ZBTB10: variants seen among roughly 807,000 people sequenced by gnomAD.
ZBTB10 encodes zinc finger and BTB domain-containing protein 10.
In ZBTB10, 32 loss-of-function variants were observed where a neutral mutation model predicts 76.4. The observed-to-expected ratio is 0.42, with a 90% CI of 0.32 to 0.56. The LOEUF is 0.56. ZBTB10 is among the 20% of genes least tolerant of loss of function. ZBTB10 has a pLI of 0.14. For synonymous variants in ZBTB10, 523 were observed against 432.9 expected (o/e 1.21, Z -2.58); for missense variants, 1,057 against 1,098.5 (o/e 0.96, Z 0.53).
At chr8:80,505,983 C>G (rs973043671) in intron 2 of ZBTB10, among the ~76,000 whole-genome samples, 9 of 149,046 alleles carry the variant, frequency 6.0e-5, no homozygotes, top group Middle Eastern at 6.9e-3. Context: ...AGACTGGTCT[C>G]AGGCTCAAGG....
chr8:80,505,994 G>A (rs1816042596), intron 2 of ZBTB10, among the ~76,000 whole-genome samples: 1 of 150,238 alleles, frequency 6.7e-6, no homozygotes, highest in African/African-American at 2.5e-5. Flanking sequence ...AGGCTCAAGG[G>A]ATCCTCCAGC....
Position 80,519,588 on chromosome 8 carries a change from G to A in ZBTB10, c.*60G>A. ...GGACCTAATATGAATCGACAATTTGGATTGTTGAACTTGAAGGCTTGCAAA... is the reference window on the plus strand; with the variant it reads ...GGACCTAATATGAATCGACAATTTGAATTGTTGAACTTGAAGGCTTGCAAA... On this transcript the variant is annotated 3_prime_UTR_variant, in exon 6 of 6. Coordinates refer to ENST00000455036, the MANE Select transcript of ZBTB10 (RefSeq NM_001105539.3). 1 of 1,486,412 alleles carries A rather than the reference G, an allele frequency of 6.7e-7. No individual in the cohort carries two copies. Among genetic ancestry groups the A allele is most frequent in the Non-Finnish European group, 9.0e-7 (1 of 1,106,074 alleles). The allele number at this position is 1,486,412 out of a possible 1,614,324, so 92.1% of individuals were successfully genotyped here. A position where few individuals can be genotyped will look rare whatever the true frequency, so the allele number is the denominator to read the frequency against.
chr8:80,486,801 G>A lies in ZBTB10; in HGVS notation c.-10G>A. On this transcript the variant is annotated 5_prime_UTR_variant, in exon 1 of 6. Coordinates refer to ENST00000455036, the MANE Select transcript of ZBTB10 (RefSeq NM_001105539.3). ...CGGGGCACCGGGCGGCGGCGGCGGCGGCGCGCGCCATGTCGTTCAGTGAAA... is the reference window on the plus strand; with the variant it reads ...CGGGGCACCGGGCGGCGGCGGCGGCAGCGCGCGCCATGTCGTTCAGTGAAA... 7.1e-7 allele frequency: 1 copy of A among 1,413,124 alleles called. No homozygotes were observed. Among genetic ancestry groups the A allele is most frequent in the Non-Finnish European group, 9.2e-7 (1 of 1,088,254 alleles). The allele number at this position is 1,413,124 out of a possible 1,614,324, so 87.5% of individuals were successfully genotyped here.
At chr8:80,497,010 G>C (rs542324689) in intron 1 of ZBTB10, among the ~76,000 whole-genome samples, 12 of 152,188 alleles carry the variant, frequency 7.9e-5, no homozygotes, top group Non-Finnish European at 1.6e-4. Flanking sequence ...CCCCTTATTT[G>C]TAATTTCTAT....
At chr8:80,485,785 T>G (rs576024874), upstream of ZBTB10, 1 of 1,534,654 alleles carries the variant, frequency 6.5e-7, no homozygotes, top group African/African-American at 1.4e-5. Context: ...CCTCAGCAAA[T>G]GACAAGGCTG....
intron 1 of ZBTB10, among the ~76,000 whole-genome samples, chr8:80,492,504 G>C (rs904419090): frequency 1.6e-4 from 24 of 151,636 alleles, no homozygotes; most frequent in Non-Finnish European, 2.7e-4. Flanking sequence ...TTTTGAGATG[G>C]GGTCTCACTT....
rs578198261 is a variant in ZBTB10, at chr8:80,512,596, C to A, written c.1862-1314C>A. Among the ~76,000 whole-genome samples, 9 of 152,230 alleles carry A rather than the reference C, an allele frequency of 5.9e-5. No individual in the cohort carries two copies. The South Asian group carries it at 1.9e-3, about 32-fold the overall frequency. ...GTGTGGTGGTGTGCACCTGTAGTCCCAGCTATCTGAGAGGCTGAAGTAGGA... is the reference window on the plus strand; with the variant it reads ...GTGTGGTGGTGTGCACCTGTAGTCCAAGCTATCTGAGAGGCTGAAGTAGGA... On this transcript the variant is annotated intron_variant, in intron 2 of 5. Coordinates refer to ENST00000455036, the MANE Select transcript of ZBTB10 (RefSeq NM_001105539.3).
intron 2 of ZBTB10, among the ~76,000 whole-genome samples, chr8:80,503,815 C>T (rs1250856598): frequency 6.6e-6 from 1 of 152,194 alleles, no homozygotes; most frequent in Non-Finnish European, 1.5e-5. Context: ...TGAGCCACTG[C>T]GCTCTGCCTG....
Position 80,500,083 on chromosome 8 carries a change from G to T in ZBTB10, c.1562G>T (p.Cys521Phe), listed in dbSNP as rs1193337773. 2.5e-6 allele frequency: 4 copies of T among 1,613,872 alleles called. No individual in the cohort carries two copies. Among genetic ancestry groups the T allele is most frequent in the Non-Finnish European group, 3.4e-6 (4 of 1,179,894 alleles). Residue 521 changes from cysteine to phenylalanine, a missense_variant, in exon 2 of 6, where the codon TGT becomes TTT. Around this residue, in one of 5 missense-constraint regions of ZBTB10, gnomAD observed 306 missense variants for 297.5 expected, o/e 1.03. Coordinates refer to ENST00000455036, the MANE Select transcript of ZBTB10 (RefSeq NM_001105539.3). ...AATGTAAAGATTGAAAATGATGGTTGTAATGTCGACGAGGGCCAAATAGAA... is the reference window on the plus strand; with the variant it reads ...AATGTAAAGATTGAAAATGATGGTTTTAATGTCGACGAGGGCCAAATAGAA... ...ASNVKIENDG[C>F]NVDEGQIENY...
chr8:80,493,841 A>G (rs1360339585), intron 1 of ZBTB10, among the ~76,000 whole-genome samples: 1 of 151,708 alleles, frequency 6.6e-6, no homozygotes, highest in Non-Finnish European at 1.5e-5. Flanking sequence ...AAAAAATAAA[A>G]AATAACCTGA....
intron 2 of ZBTB10, among the ~76,000 whole-genome samples, chr8:80,505,259 A>G (rs1267693060): frequency 6.6e-6 from 1 of 152,230 alleles, no homozygotes; most frequent in African/African-American, 2.4e-5. Flanking sequence ...CAGTTCTACC[A>G]GGATGACAAA....
intron 2 of ZBTB10, among the ~76,000 whole-genome samples, chr8:80,511,253 A>C (rs1373388101): frequency 6.6e-6 from 1 of 152,232 alleles, no homozygotes; most frequent in African/African-American, 2.4e-5. Context: ...AGAATTAGAA[A>C]TCACAAATTC....
Position 80,500,019 on chromosome 8 carries a change from A to AGTTTTTGGG in ZBTB10, c.1499_1507dup (p.Trp502_Ala503insGlyPheTrp). Reference sequence around the variant, plus strand: ...TTCATCACGGGATCAAAAAATTGCCAGTTTTTGGGCAACACGGAATCTTAC... The same window carrying AGTTTTTGGG: ...TTCATCACGGGATCAAAAAATTGCCAGTTTTTGGGGTTTTTGGGCAACACGGAATCTTAC... On this transcript the variant is annotated inframe_insertion, in exon 2 of 6. Coordinates refer to ENST00000455036, the MANE Select transcript of ZBTB10 (RefSeq NM_001105539.3). 1 of 1,614,016 alleles carries AGTTTTTGGG rather than the reference A, an allele frequency of 6.2e-7. No homozygotes were observed. Among genetic ancestry groups the AGTTTTTGGG allele is most frequent in the Non-Finnish European group, 8.5e-7 (1 of 1,179,882 alleles).
In ZBTB10 at chr8:80,487,627, G is replaced by A; in HGVS notation, c.817G>A (p.Gly273Ser). The A allele has an allele frequency of 6.2e-7, 1 of 1,613,806 alleles. No homozygotes were observed. Among genetic ancestry groups the A allele is most frequent in the African/African-American group, 1.3e-5 (1 of 75,016 alleles). Residue 273 changes from glycine to serine, a missense_variant, in exon 1 of 6, where the codon GGC (glycine) becomes AGC (serine). Around this residue, in one of 5 missense-constraint regions of ZBTB10, gnomAD observed 556 missense variants for 451.7 expected, o/e 1.23. Transcript: ENST00000455036. ...CAAGGATACTGGTCTTATGTCTTGC[G>A]GCTGGTGCCAAAAGACCCCTGCAGA... ...YSKDTGLMSCGWCQKTPADGG... is the reference protein window; with the variant it reads ...YSKDTGLMSCSWCQKTPADGG...
chr8:80,518,648 T>A (rs1816388149), intron 4 of ZBTB10, 69 bp downstream of exon 4: 1 of 1,490,488 alleles, frequency 6.7e-7, no homozygotes, highest in East Asian at 2.5e-5. Flanking sequence ...AGCTTTCATG[T>A]TCTGCATTTT....
Position 80,519,246 on chromosome 8 carries a change from C to G in ZBTB10, c.2334C>G (p.Tyr778Ter). 1 of 1,612,868 alleles carries G rather than the reference C, an allele frequency of 6.2e-7. No homozygotes were observed. The change falls in exon 6 of 6, where the codon TAC (tyrosine) becomes TAG (stop). Residue 778 changes from tyrosine (Y) to a stop codon, truncating the protein, a stop_gained. Coordinates refer to ENST00000455036, the MANE Select transcript of ZBTB10 (RefSeq NM_001105539.3). LOFTEE classifies it high-confidence loss of function. ...HSLVHKKDKK[Y>*]KCMVCKKIFM... Reference sequence around the variant, plus strand: ...AGGTGCATAAAAAGGATAAAAAATACAAATGTATGGTGTGTAAGAAGATCT... The same window carrying G: ...AGGTGCATAAAAAGGATAAAAAATAGAAATGTATGGTGTGTAAGAAGATCT...
At position 80,519,541 on chromosome 8, in the gene ZBTB10, A is replaced by G. The variant is rs1165590620; in HGVS notation, c.*13A>G. 4.4e-6 allele frequency: 7 copies of G among 1,597,652 alleles called. No individual in the cohort carries two copies. The highest frequency in any genetic ancestry group is 6.0e-6 in the Non-Finnish European group (7 of 1,171,420). ...TCTAGATGATTAACTGACCTACTAT[A>G]CTCCTCAAGGATGCTGCATTTGGAC... On this transcript the variant is annotated 3_prime_UTR_variant, in exon 6 of 6. Transcript: ENST00000455036.
chr8:80,522,073 CTAACT>C lies in ZBTB10; in HGVS notation c.*2548_*2552del, dbSNP rs1386381155. Reference sequence around the variant, plus strand: ...ACAGATTTTTCTACTTGCTGACTGCCTAACTTATTTTGTTTCATGATCTCGAGGGA... The same window carrying C: ...ACAGATTTTTCTACTTGCTGACTGCCTATTTTGTTTCATGATCTCGAGGGA... On this transcript the variant is annotated 3_prime_UTR_variant, in exon 6 of 6. Coordinates refer to ENST00000455036, the MANE Select transcript of ZBTB10 (RefSeq NM_001105539.3). 1 of 151,790 alleles carries C rather than the reference CTAACT, an allele frequency of 6.6e-6. No homozygotes were observed. The highest frequency in any genetic ancestry group is 1.5e-5 in the Non-Finnish European group (1 of 67,806). 9.4% of individuals were successfully genotyped at this position (151,790 alleles called of 1,614,324 possible). A position where few individuals can be genotyped will look rare whatever the true frequency, so the allele number is the denominator to read the frequency against.
At chr8:80,513,261 G>A (rs924859149) in intron 2 of ZBTB10, among the ~76,000 whole-genome samples, 28 of 152,064 alleles carry the variant, frequency 1.8e-4, no homozygotes, top group Non-Finnish European at 4.1e-4. Flanking sequence ...TCCCACCTCA[G>A]CCTCCCAAGT....
Sources: gnomAD v4.1 joint callset for allele counts (sites outside exome capture counted in the v4.1 genomes callset) on GRCh38, gnomAD v4.1.1 for gene constraint, gnomAD v4.1.1 regional missense constraint, MANE v1.5 for transcripts, NCBI Gene and HGNC (gene_info 2026-07-23, HGNC 2026-07-21) for gene names.